NCKAP5: variants seen among roughly 807,000 people sequenced by gnomAD.
NCKAP5 encodes the protein NCK associated protein 5.
In NCKAP5, 92 loss-of-function variants were observed where a neutral mutation model predicts 167.0. That is an observed-to-expected ratio of 0.55 (90% CI 0.47 to 0.66). NCKAP5 has a LOEUF of 0.66. NCKAP5 is among the 30% of genes least tolerant of loss of function. The pLI is 0.00. For missense variants in NCKAP5, 2,378 were observed against 2,315.0 expected, an observed-to-expected ratio of 1.03 and a Z score of -0.56; for synonymous variants, 891 against 877.4, an observed-to-expected ratio of 1.02 and a Z score of -0.27.
At chr2:132,896,311 G>C (rs1693200016) in intron 8 of NCKAP5, among the ~76,000 whole-genome samples, 1 of 152,194 alleles carries the variant, frequency 6.6e-6, no homozygotes, top group South Asian at 2.1e-4. Flanking sequence ...ATGATGTTTG[G>C]TTTCTCTGTA....
At chr2:133,072,745 C>A (rs901746051) in intron 6 of NCKAP5, among the ~76,000 whole-genome samples, 20 of 152,094 alleles carry the variant, frequency 1.3e-4, no homozygotes, top group Non-Finnish European at 5.9e-5. Flanking sequence ...ACATTCCAAT[C>A]AAAAATTTTT....
At chr2:132,773,070 G>C (rs925177703) in intron 16 of NCKAP5, among the ~76,000 whole-genome samples, 1 of 152,180 alleles carries the variant, frequency 6.6e-6, no homozygotes, top group Non-Finnish European at 1.5e-5. Flanking sequence ...TCAGTGTCTT[G>C]TGTCGAGCTA....
intron 15 of NCKAP5, among the ~76,000 whole-genome samples, chr2:132,775,982 A>C (rs1468654095): frequency 2.0e-5 from 3 of 152,234 alleles, no homozygotes; most frequent in African/African-American, 7.2e-5. Context: ...TCTAGATGAA[A>C]GAATCAAATA....
At chr2:133,209,211 A>C (rs1417975766) in intron 5 of NCKAP5, among the ~76,000 whole-genome samples, 1 of 151,946 alleles carries the variant, frequency 6.6e-6, no homozygotes, top group Non-Finnish European at 1.5e-5. Flanking sequence ...CCTCTCAGTA[A>C]ACTGAGCCAG....
the NCKAP5 span, among the ~76,000 whole-genome samples, chr2:133,615,591 G>A: frequency 6.6e-6 from 1 of 152,150 alleles, no homozygotes; most frequent in Non-Finnish European, 1.5e-5. Context: ...AATTCAACAA[G>A]AAGAGCTAAC....
At chr2:132,776,774 T>C (rs377642936) in intron 15 of NCKAP5, among the ~76,000 whole-genome samples, 27 of 152,296 alleles carry the variant, frequency 1.8e-4, no homozygotes, top group African/African-American at 6.3e-4. Flanking sequence ...AATTATATTT[T>C]TCATAGGATG....
intron 4 of NCKAP5, among the ~76,000 whole-genome samples, chr2:133,251,896 G>A (rs1227250757): frequency 6.6e-6 from 1 of 152,204 alleles, no homozygotes. Flanking sequence ...GTAATCAACT[G>A]CATTTTGTTT....
At chr2:133,077,919 A>G in intron 6 of NCKAP5, among the ~76,000 whole-genome samples, 1 of 152,186 alleles carries the variant, frequency 6.6e-6, no homozygotes, top group South Asian at 2.1e-4. Flanking sequence ...CACCAAATGG[A>G]TGATGCTTTT....
chr2:132,770,986 A>C (rs1345385371), intron 16 of NCKAP5, among the ~76,000 whole-genome samples: 2 of 152,242 alleles, frequency 1.3e-5, no homozygotes. Context: ...AATGATGTAT[A>C]GTACAGAATA....
At chr2:132,875,927 G>GGT (rs1691229208) in intron 9 of NCKAP5, among the ~76,000 whole-genome samples, 1 of 152,038 alleles carries the variant, frequency 6.6e-6, no homozygotes, top group African/African-American at 2.4e-5. Flanking sequence ...AGCAAGCCAG[G>GGT]GTGTATGTGT....
chr2:132,971,611 A>C (rs1057361884), intron 7 of NCKAP5, among the ~76,000 whole-genome samples: 2 of 152,232 alleles, frequency 1.3e-5, no homozygotes, highest in Non-Finnish European at 2.9e-5. Flanking sequence ...GCAATAGGCT[A>C]TGCGGGAGTT....
At chr2:133,170,377 A>G (rs541125152) in intron 5 of NCKAP5, among the ~76,000 whole-genome samples, 3 of 152,312 alleles carry the variant, frequency 2.0e-5, no homozygotes, top group African/African-American at 7.2e-5. Context: ...TCTGGGTTGT[A>G]AAAAGCTTGT....
intron 6 of NCKAP5, among the ~76,000 whole-genome samples, chr2:133,091,491 T>C (rs927880095): frequency 2.6e-5 from 4 of 152,182 alleles, no homozygotes; most frequent in Admixed American, 2.0e-4. Context: ...GCCCTGGGTA[T>C]ATTTCCTCAC....
intron 8 of NCKAP5, among the ~76,000 whole-genome samples, chr2:132,936,797 T>C (rs1437118789): frequency 1.3e-5 from 2 of 152,226 alleles, no homozygotes; most frequent in African/African-American, 4.8e-5. Context: ...TTCTATTTAC[T>C]TTCTAAAATG....
At chr2:132,920,703 G>GTATATGTATATATATGTATATATA (rs1451959515) in intron 8 of NCKAP5, among the ~76,000 whole-genome samples, 16 of 75,730 alleles carry the variant, frequency 2.1e-4, no homozygotes, top group African/African-American at 2.5e-4. Context: ...ATATATATAC[G>GTATATGTATATATATGTATATATA]TATATGTATA....
At chr2:133,650,756 C>A in the NCKAP5 span, among the ~76,000 whole-genome samples, 16 of 152,118 alleles carry the variant, frequency 1.1e-4, no homozygotes, top group Non-Finnish European at 1.8e-4. Flanking sequence ...GTGGTGGGCG[C>A]CTGTAATCCC....
At chr2:133,584,674 G>T in the NCKAP5 span, among the ~76,000 whole-genome samples, 1 of 152,118 alleles carries the variant, frequency 6.6e-6, no homozygotes, top group African/African-American at 2.4e-5. Context: ...TGAGGCAGGA[G>T]AATTGCTTGA....
At chr2:132,737,019 G>A (rs919244428) in intron 16 of NCKAP5, among the ~76,000 whole-genome samples, 6 of 152,100 alleles carry the variant, frequency 3.9e-5, no homozygotes, top group African/African-American at 1.4e-4. Context: ...GTCTCTCAAG[G>A]TATTAACAAA....
rs540809774 is a variant in NCKAP5, at chr2:132,777,499, C to T, written c.5049+3553G>A. Among the ~76,000 whole-genome samples, 35 of 152,198 alleles carry T rather than the reference C, an allele frequency of 2.3e-4. 1 individual carries two copies. Among genetic ancestry groups the T allele is most frequent in the African/African-American group, 7.9e-4 (33 of 41,514 alleles). On this transcript the variant is annotated intron_variant, in intron 15 of 19. Transcript: ENST00000409261. ...CTTCCCTGAATCATCCTAACACTAACGGCTTCCCAAGAAACCAACATTTTG... is the reference window on the plus strand; with the variant it reads ...CTTCCCTGAATCATCCTAACACTAATGGCTTCCCAAGAAACCAACATTTTG...
Sources: allele counts gnomAD v4.1 joint callset (sites outside exome capture counted in the v4.1 genomes callset), GRCh38; gene constraint gnomAD v4.1.1; transcripts MANE v1.5; gene names NCBI Gene and HGNC (gene_info 2026-07-23, HGNC 2026-07-21).